Variants in MAP7 observed in about 807,000 individuals in gnomAD.
MAP7 encodes the protein microtubule associated protein 7.
A neutral mutation model predicts 94.8 loss-of-function variants in MAP7; 52 were observed. The observed-to-expected ratio is 0.55, with a 90% CI of 0.44 to 0.69. The LOEUF (loss-of-function observed/expected upper bound fraction) is 0.69. Among genes scored for constraint, MAP7 ranks in the 30% least tolerant of loss-of-function variants. The pLI is 0.00. For missense variants in MAP7, 940 were observed against 964.6 expected (o/e 0.97, Z 0.34); for synonymous variants, 350 against 357.0 (o/e 0.98, Z 0.22).
At chr6:136,428,989 T>C (rs747993154) in intron 1 of MAP7, among the ~76,000 whole-genome samples, 4 of 152,238 alleles carry the variant, frequency 2.6e-5, no homozygotes, top group African/African-American at 4.8e-5. Context: ...GTATTCTTTT[T>C]CTTTTTACTA....
chr6:136,392,222 C>A (rs1780976449), intron 3 of MAP7, among the ~76,000 whole-genome samples: 1 of 151,920 alleles, frequency 6.6e-6, no homozygotes, highest in Non-Finnish European at 1.5e-5. Context: ...GGACTACAGG[C>A]GTGCACCACT....
intron 2 of MAP7, among the ~76,000 whole-genome samples, chr6:136,416,090 G>C (rs980735132): frequency 2.6e-5 from 4 of 152,356 alleles, no homozygotes; most frequent in African/African-American, 9.6e-5. Context: ...TGTGCATGGG[G>C]CTGGGGAGGA....
intron 1 of MAP7, among the ~76,000 whole-genome samples, chr6:136,541,816 T>C (rs1439821720): frequency 6.6e-6 from 1 of 152,204 alleles, no homozygotes; most frequent in Non-Finnish European, 1.5e-5. Context: ...TCCAGCACTT[T>C]AGGAGGCTGA....
At chr6:136,457,262 A>C (rs1297762543) in intron 1 of MAP7, among the ~76,000 whole-genome samples, 4 of 151,856 alleles carry the variant, frequency 2.6e-5, no homozygotes, top group Non-Finnish European at 4.4e-5. Flanking sequence ...GAAGAAATAA[A>C]ATATCTGAAC....
chr6:136,414,145 C>T (rs1302306241), intron 2 of MAP7, among the ~76,000 whole-genome samples: 2 of 147,302 alleles, frequency 1.4e-5, no homozygotes, highest in African/African-American at 2.5e-5. Context: ...CCCAGCTACT[C>T]GGGAGGCTGA....
intron 1 of MAP7, among the ~76,000 whole-genome samples, chr6:136,450,271 A>G (rs1245159487): frequency 6.6e-6 from 1 of 152,202 alleles, no homozygotes; most frequent in Non-Finnish European, 1.5e-5. Flanking sequence ...AAAGTAAACT[A>G]AAACAAATTA....
intron 1 of MAP7, among the ~76,000 whole-genome samples, chr6:136,523,337 A>G (rs1826936279): frequency 6.6e-6 from 1 of 152,346 alleles, no homozygotes; most frequent in African/African-American, 2.4e-5. Flanking sequence ...TCAGAACGTA[A>G]CAATGCTACA....
At chr6:136,388,966 T>C (rs1023646385) in intron 4 of MAP7, among the ~76,000 whole-genome samples, 2 of 152,196 alleles carry the variant, frequency 1.3e-5, no homozygotes, top group Admixed American at 1.3e-4. Flanking sequence ...TTTCTATTTT[T>C]ATACAAACTG....
chr6:136,412,407 GACAA>G (rs1462658799), intron 2 of MAP7, among the ~76,000 whole-genome samples: 2 of 152,136 alleles, frequency 1.3e-5, no homozygotes, highest in South Asian at 2.1e-4. Context: ...GAAAAAATCT[GACAA>G]ACAAGACAAA....
chr6:136,533,399 C>T (rs1185034101), intron 1 of MAP7, among the ~76,000 whole-genome samples: 1 of 152,168 alleles, frequency 6.6e-6, no homozygotes, highest in African/African-American at 2.4e-5. Flanking sequence ...AAGAGCGATA[C>T]TAAAGAACAG....
At chr6:136,544,887 G>A (rs1157602440) in intron 1 of MAP7, among the ~76,000 whole-genome samples, 2 of 152,144 alleles carry the variant, frequency 1.3e-5, no homozygotes, top group African/African-American at 4.8e-5. Context: ...TTGAGCCCAG[G>A]AGTTCAAGTC....
chr6:136,345,797 G>C lies in MAP7; in HGVS notation c.2239+59C>G, dbSNP rs765057870. ...CATACTGTAGAAGGCAGCAGTTCGTGTCCTCCTGGGTGTCAGATATTTCTG... is the reference window on the plus strand; with the variant it reads ...CATACTGTAGAAGGCAGCAGTTCGTCTCCTCCTGGGTGTCAGATATTTCTG... On this transcript the variant is annotated intron_variant, in intron 17 of 17. Transcript: ENST00000354570. 3.0e-6 allele frequency: 4 copies of C among 1,345,004 alleles called. No homozygotes were observed. The East Asian group carries it at 9.2e-5, about 31-fold the overall frequency. 83.3% of individuals were successfully genotyped at this position (1,345,004 alleles called of 1,614,324 possible). A position where few individuals can be genotyped will look rare whatever the true frequency, so the allele number is the denominator to read the frequency against.
intron 3 of MAP7, among the ~76,000 whole-genome samples, chr6:136,391,222 T>C (rs1354123367): frequency 6.6e-6 from 1 of 151,298 alleles, no homozygotes; most frequent in Admixed American, 6.6e-5. Context: ...TATGCAGCCA[T>C]AAAAAATGAT....
chr6:136,421,835 A>C lies in MAP7; in HGVS notation c.68-36T>G, dbSNP rs758860009. 4.6e-6 allele frequency: 7 copies of C among 1,507,902 alleles called. No homozygotes were observed. The Admixed American group carries it at 1.2e-4, about 26-fold the overall frequency. 93.4% of individuals were successfully genotyped at this position (1,507,902 alleles called of 1,614,324 possible). On this transcript the variant is annotated intron_variant, in intron 1 of 17. Transcript: ENST00000354570. ...GAGACAAAAGAGAAAAGACACATTTAGTTTCTTAAAATTTCTTCAGAAACA... is the reference window on the plus strand; with the variant it reads ...GAGACAAAAGAGAAAAGACACATTTCGTTTCTTAAAATTTCTTCAGAAACA...
intron 1 of MAP7, chr6:136,526,448 C>T: frequency 1.0e-6 from 1 of 986,444 alleles, no homozygotes; most frequent in Non-Finnish European, 1.2e-6. Context: ...ATTCAGCCCA[C>T]AGCAGAGAGG....
At chr6:136,356,592 C>A (rs764886585) in intron 16 of MAP7, 100 bp downstream of exon 16, 4 of 883,214 alleles carry the variant, frequency 4.5e-6, no homozygotes, top group East Asian at 5.1e-5. Context: ...TGAGGCCCCC[C>A]CCAAATAATA....
At chr6:136,495,083 A>G (rs1817787673) in intron 1 of MAP7, among the ~76,000 whole-genome samples, 2 of 152,208 alleles carry the variant, frequency 1.3e-5, no homozygotes, top group South Asian at 4.1e-4. Context: ...CTGGAATTGT[A>G]CTGACCCTCT....
chr6:136,525,220 ATACACGAATT>A (rs1827491939), intron 1 of MAP7, among the ~76,000 whole-genome samples: 1 of 152,220 alleles, frequency 6.6e-6, no homozygotes, highest in Admixed American at 6.5e-5. Flanking sequence ...TTCAACTGCC[ATACACGAATT>A]CAGTTATCAT....
intron 1 of MAP7, among the ~76,000 whole-genome samples, chr6:136,519,079 G>A (rs2129044562): frequency 6.6e-6 from 1 of 152,300 alleles, no homozygotes; most frequent in East Asian, 1.9e-4. Context: ...AACACATAAT[G>A]CCTGGGGAAC....
Sources: gnomAD v4.1 joint callset for allele counts (sites outside exome capture counted in the v4.1 genomes callset) on GRCh38, gnomAD v4.1.1 for gene constraint, MANE v1.5 for transcripts, NCBI Gene and HGNC (gene_info 2026-07-23, HGNC 2026-07-21) for gene names.